CAMK1D: variants seen among roughly 807,000 people sequenced by gnomAD.
CAMK1D encodes calcium/calmodulin-dependent protein kinase type 1D.
CAMK1D carries 9 observed loss-of-function variants against 47.7 expected under a neutral mutation model. The observed-to-expected ratio is 0.19, with a 90% CI of 0.11 to 0.33. CAMK1D has a LOEUF of 0.33. CAMK1D is among the 10% of genes least tolerant of loss of function. The pLI is 1.00. For missense variants in CAMK1D, 291 were observed against 488.7 expected, an observed-to-expected ratio of 0.60 and a Z score of 3.81; for synonymous variants, 184 against 184.9, an observed-to-expected ratio of 0.99 and a Z score of 0.04.
At chr10:12,790,040 G>A (rs1205219895) in intron 5 of CAMK1D, among the ~76,000 whole-genome samples, 3 of 152,258 alleles carry the variant, frequency 2.0e-5, no homozygotes, top group Non-Finnish European at 4.4e-5. Flanking sequence ...CACAGGCCAG[G>A]AACAGGGAGT....
intron 2 of CAMK1D, among the ~76,000 whole-genome samples, chr10:12,597,576 C>T (rs902764502): frequency 6.6e-6 from 1 of 152,180 alleles, no homozygotes; most frequent in Non-Finnish European, 1.5e-5. Context: ...AGGCACGTGA[C>T]TTTTCATAGA....
intron 1 of CAMK1D, among the ~76,000 whole-genome samples, chr10:12,501,465 C>T (rs1834700964): frequency 1.3e-5 from 2 of 152,168 alleles, no homozygotes; most frequent in South Asian, 4.1e-4. Flanking sequence ...TGTCATGGGC[C>T]TCACCATGTG....
chr10:12,702,037 C>A (rs959509869), intron 3 of CAMK1D, among the ~76,000 whole-genome samples: 6 of 152,218 alleles, frequency 3.9e-5, no homozygotes, highest in African/African-American at 1.4e-4. Context: ...TCCCCACATT[C>A]CTTGGCCAGA....
chr10:12,545,907 C>T (rs145234274), intron 1 of CAMK1D, among the ~76,000 whole-genome samples: 2 of 152,090 alleles, frequency 1.3e-5, no homozygotes, highest in East Asian at 1.9e-4. Flanking sequence ...AGGCCAGTGG[C>T]GTGAAAGGCC....
chr10:12,689,886 T>C (rs1832808541), intron 3 of CAMK1D, among the ~76,000 whole-genome samples: 1 of 152,206 alleles, frequency 6.6e-6, no homozygotes, highest in African/African-American at 2.4e-5. Context: ...GTTGGGTGAA[T>C]TCATTTTTAT....
intron 1 of CAMK1D, among the ~76,000 whole-genome samples, chr10:12,491,556 G>A (rs1467418937): frequency 1.3e-5 from 2 of 152,112 alleles, no homozygotes; most frequent in Admixed American, 6.5e-5. Flanking sequence ...GATCCTGTAA[G>A]TCAGCCCTAG....
chr10:12,618,286 G>A (rs2132431737), intron 2 of CAMK1D, among the ~76,000 whole-genome samples: 1 of 152,148 alleles, frequency 6.6e-6, no homozygotes, highest in Middle Eastern at 3.4e-3. Context: ...GTGTGTGAAT[G>A]TTTGTATTTT....
intron 2 of CAMK1D, among the ~76,000 whole-genome samples, chr10:12,632,644 G>A (rs2132469130): frequency 6.6e-6 from 1 of 152,214 alleles, no homozygotes; most frequent in East Asian, 1.9e-4. Context: ...GAGTTTGGAG[G>A]GCTGGGACCC....
chr10:12,615,628 T>C, intron 2 of CAMK1D, among the ~76,000 whole-genome samples: 1 of 147,794 alleles, frequency 6.8e-6, no homozygotes, highest in East Asian at 2.0e-4. Context: ...ATGTGTAGTG[T>C]GAGTGCACGT....
In CAMK1D at chr10:12,777,363, C is replaced by CTT. The variant is rs869192068; in HGVS notation, c.565+7589_565+7590dup. ...CAAGTAAGATGAGGATTTGGTTGAACTTTTTTTTTTTTTTTTTTTTTTTTT... is the reference window on the plus strand; with the variant it reads ...CAAGTAAGATGAGGATTTGGTTGAACTTTTTTTTTTTTTTTTTTTTTTTTTTT... On this transcript the variant is annotated intron_variant, in intron 5 of 10. Coordinates refer to ENST00000619168, the MANE Select transcript of CAMK1D (RefSeq NM_153498.4). 6.0e-3 allele frequency among the ~76,000 whole-genome samples: 528 copies of CTT among 88,546 alleles called. 39 individuals are homozygous for CTT. Among genetic ancestry groups the CTT allele is most frequent in the Non-Finnish European group, 7.4e-3 (329 of 44,360 alleles). 58.1% of individuals were successfully genotyped at this position (88,546 alleles called of 152,430 possible). A position where few individuals can be genotyped will look rare whatever the true frequency, so the allele number is the denominator to read the frequency against.
chr10:12,373,687 CATCT>C (rs781219377), intron 1 of CAMK1D, among the ~76,000 whole-genome samples: 3 of 152,054 alleles, frequency 2.0e-5, no homozygotes, highest in Non-Finnish European at 4.4e-5. Context: ...TCCCTATGAA[CATCT>C]AAAACACTTC....
At chr10:12,592,090 T>A (rs1352429749) in intron 2 of CAMK1D, among the ~76,000 whole-genome samples, 1 of 152,206 alleles carries the variant, frequency 6.6e-6, no homozygotes, top group African/African-American at 2.4e-5. Context: ...TGGCTGAAAT[T>A]GACATGCACT....
intron 3 of CAMK1D, among the ~76,000 whole-genome samples, chr10:12,718,373 T>A (rs1834237618): frequency 6.6e-6 from 1 of 152,234 alleles, no homozygotes; most frequent in South Asian, 2.1e-4. Flanking sequence ...AATATTTGAT[T>A]TTTATACAGC....
intron 1 of CAMK1D, among the ~76,000 whole-genome samples, chr10:12,352,768 ACT>A (rs1837390546): frequency 7.7e-6 from 1 of 130,686 alleles, no homozygotes; most frequent in Admixed American, 8.2e-5. Flanking sequence ...ACGGAGTCTC[ACT>A]CTGTTGCCCA....
intron 1 of CAMK1D, among the ~76,000 whole-genome samples, chr10:12,476,050 A>T (rs1293268295): frequency 6.6e-6 from 1 of 151,750 alleles, no homozygotes; most frequent in Non-Finnish European, 1.5e-5. Context: ...TCCAGCAGTT[A>T]GGGAGGCCGA....
At chr10:12,828,686 A>C in intron 10 of CAMK1D, 83 bp from the exon 11 acceptor site, 7 of 993,200 alleles carry the variant, frequency 7.0e-6, no homozygotes, top group Non-Finnish European at 1.1e-5. Context: ...CCATAAACCC[A>C]GCCCCTCTGA....
intron 3 of CAMK1D, among the ~76,000 whole-genome samples, chr10:12,742,896 GACGGGGACTGTTTAAAC>G (rs1835496473): frequency 6.6e-6 from 1 of 152,324 alleles, no homozygotes; most frequent in South Asian, 2.1e-4. Context: ...CCGCGTCAGA[GACGGGGACTGTTTAAAC>G]ACATATGGAT....
At chr10:12,508,126 C>A (rs1182221613) in intron 1 of CAMK1D, among the ~76,000 whole-genome samples, 1 of 152,210 alleles carries the variant, frequency 6.6e-6, no homozygotes, top group African/African-American at 2.4e-5. Context: ...AATCCAGATG[C>A]TGCCTGTTCT....
At chr10:12,352,220 G>T (rs1837374147) in intron 1 of CAMK1D, among the ~76,000 whole-genome samples, 1 of 152,226 alleles carries the variant, frequency 6.6e-6, no homozygotes, top group Non-Finnish European at 1.5e-5. Context: ...TCCATACAGG[G>T]TTGACACACT....
Sources: gnomAD v4.1 joint callset for allele counts (sites outside exome capture counted in the v4.1 genomes callset) on GRCh38, gnomAD v4.1.1 for gene constraint, MANE v1.5 for transcripts, NCBI Gene and HGNC (gene_info 2026-07-23, HGNC 2026-07-21) for gene names.